Variants in VWF observed in about 807,000 individuals in gnomAD.
VWF encodes the protein Factor VIII related antigen.
A neutral mutation model predicts 308.6 loss-of-function variants in VWF; 176 were observed. The observed-to-expected ratio is 0.57, with a 90% confidence interval of 0.50 to 0.65. The LOEUF (loss-of-function observed/expected upper bound fraction) is 0.65. VWF is among the 30% of genes least tolerant of loss of function. VWF has a pLI of 0.00. For synonymous variants in VWF, 1,385 were observed against 1,443.4 expected, an observed-to-expected ratio of 0.96 and a Z score of 0.92; for missense variants, 3,146 against 3,648.2, an observed-to-expected ratio of 0.86 and a Z score of 3.55.
chr12:6,087,526 T>C (rs1225418655), intron 6 of VWF, among the ~76,000 whole-genome samples: 1 of 99,940 alleles, frequency 1.0e-5, no homozygotes, highest in Non-Finnish European at 2.0e-5. Context: ...GCCCGGCTAA[T>C]TTTTTTTTTT....
rs376366370 is a variant in VWF at position 5,969,291 on chromosome 12, G to A, written c.7649C>T (p.Pro2550Leu). The A allele has an allele frequency of 3.1e-6, 5 of 1,614,072 alleles. No individual in the cohort carries two copies. In the African/African-American group the frequency reaches 6.7e-5, roughly 22 times the overall value. ...GGGGCAGACAGGGACCTCCAGCTGG[G>A]GGCAGGAGACGTTCCTTTGTTGTAT... ...VFIQQRNVSC[P>L]QLEVPVCPSG... The change falls in exon 45 of 52, where the codon CCC (proline) becomes CTC (leucine). Residue 2550 changes from proline (P) to leucine (L), a missense_variant. Pro to Leu is a moderately conservative substitution (Grantham distance 98, BLOSUM62 -3). Transcript: ENST00000261405.
chr12:6,028,253 C>T (rs1053149797), intron 22 of VWF, among the ~76,000 whole-genome samples: 2 of 152,180 alleles, frequency 1.3e-5, no homozygotes, highest in African/African-American at 2.4e-5. Context: ...TTACAAATAG[C>T]TCTCAAAACA....
chr12:6,027,335 C>T (rs1384688851), intron 22 of VWF, among the ~76,000 whole-genome samples: 1 of 152,206 alleles, frequency 6.6e-6, no homozygotes, highest in African/African-American at 2.4e-5. Context: ...TGACTCATTC[C>T]CTCCCTTCCC....
At chr12:5,957,318 T>G (rs1433158632) in intron 47 of VWF, among the ~76,000 whole-genome samples, 2 of 152,116 alleles carry the variant, frequency 1.3e-5, no homozygotes, top group African/African-American at 4.8e-5. Flanking sequence ...TACGTGTAAT[T>G]AGAGTTTCAG....
In VWF at chr12:6,018,348, A is replaced by G. The variant is rs1343211088; in HGVS notation, c.5053+17T>C. 15 of 1,605,566 alleles carry G rather than the reference A, an allele frequency of 9.3e-6. No individual in the cohort carries two copies. The highest frequency in any genetic ancestry group is 4.0e-4 in the Middle Eastern group (2 of 4,968). On this transcript the variant is annotated intron_variant, in intron 28 of 51. Transcript: ENST00000261405. ...CCTCGCCCAGCCCTCCCACCTGCAC[A>G]CAAGGTGCCAGCATACCAGGTGCAG... is the stretch of plus-strand genomic sequence containing the variant.
At chr12:5,990,410 C>G (rs2136381029) in intron 38 of VWF, among the ~76,000 whole-genome samples, 1 of 152,286 alleles carries the variant, frequency 6.6e-6, no homozygotes, top group East Asian at 1.9e-4. Flanking sequence ...GGTCCCTATC[C>G]TGGCTTATAA....
intron 3 of VWF, among the ~76,000 whole-genome samples, chr12:6,119,303 T>C (rs1945404858): frequency 6.6e-6 from 1 of 152,222 alleles, no homozygotes; most frequent in Admixed American, 6.5e-5. Context: ...CTTCCATTTC[T>C]ACTGAGTCAG....
chr12:6,086,831 G>A (rs1222975181), intron 6 of VWF, among the ~76,000 whole-genome samples: 5 of 152,126 alleles, frequency 3.3e-5, no homozygotes, highest in African/African-American at 9.7e-5. Context: ...TGTCTCTAAC[G>A]GAATGGGTAT....
intron 34 of VWF, among the ~76,000 whole-genome samples, chr12:6,000,749 T>TTGCAG (rs570859318): frequency 0.021 from 3,105 of 145,006 alleles, 282 homozygotes; most frequent in Admixed American, 0.17. Flanking sequence ...GAGGCGGAGC[T>TTGCAG]TGCAGTGAGC....
chr12:6,092,620 T>TGAGTGAGAGAGAGAGAGAGAGAGAGAGA (rs1250915385), intron 6 of VWF, among the ~76,000 whole-genome samples: 1 of 89,674 alleles, frequency 1.1e-5, no homozygotes, highest in African/African-American at 6.0e-5. Context: ...TGAGTGAGAG[T>TGAGTGAGAGAGAGAGAGAGAGAGAGAGA]GTGTGTGTGT....
intron 29 of VWF, 23 bp from the exon 30 acceptor site, chr12:6,016,679 GATT>G: frequency 6.2e-7 from 1 of 1,614,208 alleles, no homozygotes; most frequent in Non-Finnish European, 8.5e-7. Context: ...AGAAAATGCG[GATT>G]ATTTTGAATC....
chr12:6,079,432 C>G (rs150961686), intron 6 of VWF, among the ~76,000 whole-genome samples: 7,278 of 151,218 alleles, frequency 0.048, 545 homozygotes, highest in African/African-American at 0.15. Context: ...CGGTGAAACC[C>G]CATCTCTACT....
Position 6,019,787 on chromosome 12 carries a change from T to C in VWF, c.3675-44A>G, listed in dbSNP as rs1360974132. On this transcript the variant is annotated intron_variant, in intron 27 of 51. Coordinates refer to ENST00000261405, the MANE Select transcript of VWF (RefSeq NM_000552.5). The surrounding 1 kb of genome is among the most constrained non-coding windows in gnomAD (Gnocchi z 5.8). ...AAATTAAAATGGTTCAGGAAGAACC[T>C]GTGGACACTTCTGAGCCCTACAGTG... The C allele has an allele frequency of 3.2e-6, 5 of 1,562,220 alleles. No individual in the cohort carries two copies. The highest frequency in any genetic ancestry group is 4.3e-6 in the Non-Finnish European group (5 of 1,152,724).
At chr12:5,999,299 T>C (rs940314476) in intron 34 of VWF, among the ~76,000 whole-genome samples, 13 of 152,102 alleles carry the variant, frequency 8.5e-5, no homozygotes, top group East Asian at 3.9e-4. Context: ...CACGCAATAT[T>C]TGGTGACAAC....
In VWF at chr12:6,078,622, G is replaced by A. The variant is rs117115831; in HGVS notation, c.658-3071C>T. On this transcript the variant is annotated intron_variant, in intron 6 of 51. Coordinates refer to ENST00000261405, the MANE Select transcript of VWF (RefSeq NM_000552.5). ...TTTCCTGGTCATTGCTATGACTGCT[G>A]CCATCACCTGGGCTGTAGCAGAGTG... 1.5e-3 allele frequency among the ~76,000 whole-genome samples: 234 copies of A among 152,324 alleles called. 3 individuals are homozygous for A. The East Asian group carries it at 0.029, about 19-fold the overall frequency.
chr12:6,066,805 A>C (rs1193885301), intron 10 of VWF, among the ~76,000 whole-genome samples: 1 of 152,230 alleles, frequency 6.6e-6, no homozygotes, highest in Non-Finnish European at 1.5e-5. Context: ...CTGGCACTTC[A>C]TGCTCGCATG....
In VWF at chr12:6,019,051, T is replaced by C; in HGVS notation, c.4367A>G (p.Tyr1456Cys). ...LEQQRDEIVS[Y>C]LCDLAPEAPP... ...GGCTTCAGGGGCAAGGTCACAGAGG[T>C]AGCTAACGATCTCGTCCCTTTGCTG... is the stretch of plus-strand genomic sequence containing the variant. Residue 1456 changes from tyrosine to cysteine, a missense_variant, in exon 28 of 52, where the codon TAC becomes TGC. Tyr to Cys is a radical substitution (Grantham distance 194, BLOSUM62 -2). Transcript: ENST00000261405. This position sits in a 1 kb window ranked among gnomAD's most constrained non-coding sequence, Gnocchi z 5.8. 2 of 1,613,618 alleles carry C rather than the reference T, an allele frequency of 1.2e-6. No homozygotes were observed. The highest frequency in any genetic ancestry group is 2.2e-5 in the East Asian group (1 of 44,850).
chr12:6,086,136 G>C (rs1476825931), intron 6 of VWF, among the ~76,000 whole-genome samples: 1 of 152,146 alleles, frequency 6.6e-6, no homozygotes, highest in East Asian at 1.9e-4. Flanking sequence ...CCTCAGAGAG[G>C]GAAGACTGAG....
intron 38 of VWF, among the ~76,000 whole-genome samples, chr12:5,987,156 G>C (rs1389567299): frequency 6.6e-6 from 1 of 152,144 alleles, no homozygotes; most frequent in Non-Finnish European, 1.5e-5. Context: ...TCGAATTCCT[G>C]ACCTCAAGTG....
Sources: gnomAD v4.1 joint callset for allele counts (sites outside exome capture counted in the v4.1 genomes callset) on GRCh38, gnomAD v4.1.1 for gene constraint, Gnocchi (gnomAD v3.1) non-coding constraint, MANE v1.5 for transcripts, NCBI Gene and HGNC (gene_info 2026-07-23, HGNC 2026-07-21) for gene names.